The following BAZ2B variants were observed in gnomAD, a reference collection of about 807,000 sequenced individuals.
BAZ2B encodes bromodomain adjacent to zinc finger domain 2B.
BAZ2B carries 91 observed loss-of-function variants against 246.0 expected under a neutral mutation model. The ratio of observed to expected loss-of-function variants is 0.37; its 90% CI spans 0.31 to 0.44. BAZ2B has a LOEUF of 0.44. BAZ2B is among the 20% of genes least tolerant of loss of function. The probability of loss-of-function intolerance (pLI) is 1.00; values close to 1 mark genes in which losing one functional copy is unlikely to be tolerated. For missense variants in BAZ2B, 2,332 were observed against 2,533.7 expected, an observed-to-expected ratio of 0.92 and a Z score of 1.71; for synonymous variants, 855 against 860.0, an observed-to-expected ratio of 0.99 and a Z score of 0.10.
At chr2:159,502,408 T>G (rs1189570496) in intron 2 of BAZ2B, among the ~76,000 whole-genome samples, 4 of 151,106 alleles carry the variant, frequency 2.6e-5, no homozygotes, top group Non-Finnish European at 4.4e-5. Flanking sequence ...GAGGATCCCT[T>G]GAGCTCAGGA....
chr2:159,663,027 G>C, the BAZ2B span, among the ~76,000 whole-genome samples: 1 of 151,840 alleles, frequency 6.6e-6, no homozygotes, highest in African/African-American at 2.4e-5. Context: ...TTATTGAATT[G>C]TAAGTGGTAT....
intron 2 of BAZ2B, among the ~76,000 whole-genome samples, chr2:159,552,638 C>T (rs888621088): frequency 4.6e-5 from 7 of 152,064 alleles, no homozygotes; most frequent in African/African-American, 1.7e-4. Context: ...TTCTATCCAC[C>T]CTGCTTCCTG....
chr2:159,568,615 TTC>T (rs765428481), intron 1 of BAZ2B, among the ~76,000 whole-genome samples: 4 of 152,330 alleles, frequency 2.6e-5, no homozygotes, highest in Non-Finnish European at 5.9e-5. Context: ...TTTATTCTCT[TTC>T]AACAGTGTTA....
At chr2:159,600,274 A>C (rs1691833755) in intron 1 of BAZ2B, among the ~76,000 whole-genome samples, 1 of 152,184 alleles carries the variant, frequency 6.6e-6, no homozygotes, top group Non-Finnish European at 1.5e-5. Context: ...AAAAATCTTT[A>C]AGATAATTAT....
At chr2:159,530,326 A>G (rs1179470967) in intron 2 of BAZ2B, among the ~76,000 whole-genome samples, 1 of 152,244 alleles carries the variant, frequency 6.6e-6, no homozygotes. Context: ...TCTTCAGTAT[A>G]GATCAACTGT....
At chr2:159,682,380 T>C in the BAZ2B span, among the ~76,000 whole-genome samples, 9,630 of 152,034 alleles carry the variant, frequency 0.063, 400 homozygotes, top group Middle Eastern at 0.14. Flanking sequence ...TATCTCACTA[T>C]ATTGTCCAGG....
chr2:159,468,722 C>T (rs191949581), intron 3 of BAZ2B, among the ~76,000 whole-genome samples: 7 of 152,092 alleles, frequency 4.6e-5, no homozygotes, highest in African/African-American at 1.7e-4. Context: ...GACAAAGGTG[C>T]TAGATAAACG....
intron 3 of BAZ2B, chr2:159,459,030 T>A (rs2076116194): frequency 6.6e-6 from 1 of 152,146 alleles, no homozygotes; most frequent in Non-Finnish European, 1.5e-5. Context: ...CCAAAGCCTA[T>A]ATAACATGCT....
intron 8 of BAZ2B, chr2:159,433,993 A>C (rs2071636604): frequency 6.6e-6 from 1 of 152,336 alleles, no homozygotes; most frequent in African/African-American, 2.4e-5. Context: ...TCAACACAGT[A>C]AACTGTAGAG....
At chr2:159,403,210 T>C (rs999680091) in intron 16 of BAZ2B, among the ~76,000 whole-genome samples, 10 of 152,142 alleles carry the variant, frequency 6.6e-5, no homozygotes, top group African/African-American at 1.9e-4. Context: ...TAACAGAGAG[T>C]ATGAGTAGAA....
chr2:159,507,502 C>A (rs751829252), intron 2 of BAZ2B, among the ~76,000 whole-genome samples: 3 of 152,132 alleles, frequency 2.0e-5, no homozygotes, highest in Non-Finnish European at 4.4e-5. Context: ...TTGAATTTCA[C>A]ATATACTAGA....
chr2:159,524,048 C>G (rs775753034), intron 2 of BAZ2B, among the ~76,000 whole-genome samples: 2 of 151,988 alleles, frequency 1.3e-5, no homozygotes, highest in African/African-American at 4.8e-5. Context: ...ATATAAAAAA[C>G]AAGAATTTAC....
At chr2:159,594,126 G>A (rs535085547) in intron 1 of BAZ2B, among the ~76,000 whole-genome samples, 9 of 152,274 alleles carry the variant, frequency 5.9e-5, no homozygotes, top group African/African-American at 2.2e-4. Context: ...AAAGTCGGCC[G>A]GGCGCGGTGG....
At chr2:159,665,952 T>A in the BAZ2B span, among the ~76,000 whole-genome samples, 2 of 152,214 alleles carry the variant, frequency 1.3e-5, no homozygotes, top group African/African-American at 4.8e-5. Flanking sequence ...AATTTGCATT[T>A]CCCTGTTGAC....
At chr2:159,480,383 C>T (rs1241554965) in intron 2 of BAZ2B, among the ~76,000 whole-genome samples, 1 of 151,984 alleles carries the variant, frequency 6.6e-6, no homozygotes, top group Non-Finnish European at 1.5e-5. Context: ...TAGTCATTAA[C>T]TTTTTATAGG....
chr2:159,472,504 A>T (rs1433226668), intron 3 of BAZ2B, among the ~76,000 whole-genome samples: 2 of 152,238 alleles, frequency 1.3e-5, no homozygotes, highest in Non-Finnish European at 2.9e-5. Context: ...GGCCCTGGCC[A>T]GAACTTCCAA....
chr2:159,643,319 C>G, the BAZ2B span, among the ~76,000 whole-genome samples: 1 of 152,146 alleles, frequency 6.6e-6, no homozygotes, highest in Non-Finnish European at 1.5e-5. Context: ...TTATACGCAG[C>G]CACCATCTTG....
chr2:159,705,166 G>A, the BAZ2B span, among the ~76,000 whole-genome samples: 1 of 152,018 alleles, frequency 6.6e-6, no homozygotes, highest in Non-Finnish European at 1.5e-5. Flanking sequence ...GACTACAGGT[G>A]TGTGCCATAA....
chr2:159,371,056 C>T (rs1306412837), intron 27 of BAZ2B, among the ~76,000 whole-genome samples: 2 of 152,048 alleles, frequency 1.3e-5, no homozygotes, highest in East Asian at 3.9e-4. Context: ...AATCTGCCCG[C>T]GTTGACCTCA....
Sources: gnomAD v4.1 joint callset for allele counts (sites outside exome capture counted in the v4.1 genomes callset) on GRCh38, gnomAD v4.1.1 for gene constraint, MANE v1.5 for transcripts, NCBI Gene and HGNC (gene_info 2026-07-23, HGNC 2026-07-21) for gene names.